The following FARS2 variants were observed in gnomAD, a reference collection of about 807,000 sequenced individuals.
FARS2 encodes the protein phenylalanyl-tRNA synthetase 2, mitochondrial.
Under a neutral mutation model 46.4 loss-of-function variants are expected in FARS2, and 40 were observed. That is an observed-to-expected ratio of 0.86 (90% CI 0.67 to 1.12). The LOEUF is 1.12. Among genes scored for constraint, FARS2 ranks in the 50% most tolerant of loss-of-function variants. The pLI is 0.00. For synonymous variants in FARS2, 234 were observed against 214.9 expected (o/e 1.09, Z -0.78); for missense variants, 513 against 567.9 (o/e 0.90, Z 0.98).
chr6:5,369,962 C>T (rs1758945667), intron 2 of FARS2, among the ~76,000 whole-genome samples: 1 of 151,756 alleles, frequency 6.6e-6, no homozygotes, highest in Admixed American at 6.6e-5. Flanking sequence ...GTCCCTCACT[C>T]ATGTTTTAAA....
chr6:5,679,409 G>T (rs918048110), intron 6 of FARS2, among the ~76,000 whole-genome samples: 1 of 152,040 alleles, frequency 6.6e-6, no homozygotes, highest in Non-Finnish European at 1.5e-5. Flanking sequence ...CTACTGCACT[G>T]GCCTGCCCTG....
intron 4 of FARS2, among the ~76,000 whole-genome samples, chr6:5,494,323 A>G (rs1221129050): frequency 6.6e-6 from 1 of 152,124 alleles, no homozygotes; most frequent in Non-Finnish European, 1.5e-5. Flanking sequence ...CCCATCCTTT[A>G]GTTCACAAAG....
intron 6 of FARS2, among the ~76,000 whole-genome samples, chr6:5,701,198 C>G (rs767976277): frequency 3.3e-5 from 5 of 152,230 alleles, no homozygotes; most frequent in Non-Finnish European, 5.9e-5. Flanking sequence ...TCCGCTAAGT[C>G]GTCGGGATTA....
chr6:5,754,516 T>G (rs752771974), intron 6 of FARS2, among the ~76,000 whole-genome samples: 8 of 152,250 alleles, frequency 5.3e-5, no homozygotes, highest in Admixed American at 4.6e-4. Flanking sequence ...TGAACCATCA[T>G]GTTAATGTTG....
At chr6:5,302,639 A>G (rs1415560776) in intron 1 of FARS2, among the ~76,000 whole-genome samples, 1 of 152,246 alleles carries the variant, frequency 6.6e-6, no homozygotes, top group East Asian at 1.9e-4. Context: ...GCAAAGTCAC[A>G]TGAACTAATG....
At chr6:5,498,309 T>G (rs1767590074) in intron 4 of FARS2, among the ~76,000 whole-genome samples, 1 of 152,268 alleles carries the variant, frequency 6.6e-6, no homozygotes, top group African/African-American at 2.4e-5. Context: ...CTCCTTATTT[T>G]TTCCTTTTAT....
chr6:5,593,065 T>C (rs1283306043), intron 5 of FARS2, among the ~76,000 whole-genome samples: 2 of 152,172 alleles, frequency 1.3e-5, no homozygotes, highest in Non-Finnish European at 2.9e-5. Flanking sequence ...CCTTATCTCC[T>C]TGTCACAGTA....
chr6:5,486,644 G>T (rs917513546), intron 4 of FARS2, among the ~76,000 whole-genome samples: 1 of 152,180 alleles, frequency 6.6e-6, no homozygotes, highest in African/African-American at 2.4e-5. Flanking sequence ...TGAACAACAG[G>T]ACTTTTAAAA....
chr6:5,462,367 G>A (rs1194731931), intron 4 of FARS2, among the ~76,000 whole-genome samples: 1 of 151,466 alleles, frequency 6.6e-6, no homozygotes, highest in South Asian at 2.1e-4. Flanking sequence ...TTTCTTAGTG[G>A]TATCTTTTGA....
At chr6:5,704,398 T>C (rs541953050) in intron 6 of FARS2, among the ~76,000 whole-genome samples, 1 of 152,280 alleles carries the variant, frequency 6.6e-6, no homozygotes, top group African/African-American at 2.4e-5. Context: ...TCTTGGGGGT[T>C]AGGATTTTAA....
intron 4 of FARS2, chr6:5,431,684 T>G (rs1763177831): frequency 1.9e-6 from 1 of 532,734 alleles, no homozygotes; most frequent in African/African-American, 1.9e-5. Flanking sequence ...GCCACCTGAC[T>G]GAGAGAAAAT....
rs371782392 is a variant in FARS2, at chr6:5,622,178, C to T, written c.1217+8858C>T. On this transcript the variant is annotated intron_variant, in intron 6 of 6. Coordinates refer to ENST00000274680, the MANE Select transcript of FARS2 (RefSeq NM_006567.5). ...CACTAGGGGCCACTTATAAAACAGCCCAGCCCTACTCGCCAGAGCAGGAAG... is the reference window on the plus strand; with the variant it reads ...CACTAGGGGCCACTTATAAAACAGCTCAGCCCTACTCGCCAGAGCAGGAAG... 1.0e-3 allele frequency among the ~76,000 whole-genome samples: 157 copies of T among 152,306 alleles called. 1 individual carries two copies. The South Asian group carries it at 0.017, about 16-fold the overall frequency.
chr6:5,592,936 C>T (rs780782192), intron 5 of FARS2, among the ~76,000 whole-genome samples: 2 of 152,204 alleles, frequency 1.3e-5, no homozygotes, highest in African/African-American at 4.8e-5. Context: ...GGCCACACAG[C>T]GCCTGGTCAC....
At position 5,311,724 on chromosome 6, in the gene FARS2, C is replaced by CT. The variant is rs900376550; in HGVS notation, c.-22+50072dup. Among the ~76,000 whole-genome samples, 2 of 151,722 alleles carry CT rather than the reference C, an allele frequency of 1.3e-5. No individual in the cohort carries two copies. The highest frequency in any genetic ancestry group is 2.9e-5 in the Non-Finnish European group (2 of 67,938). ...TTAGCTAAGACTAGGACCATGTGCT[C>CT]TTTTTTTTGGCATGGAGGGTAAGTG... is the stretch of plus-strand genomic sequence containing the variant. On this transcript the variant is annotated intron_variant, in intron 1 of 6. Transcript: ENST00000274680. This position sits in a 1 kb window ranked among gnomAD's most constrained non-coding sequence, Gnocchi z 4.1.
chr6:5,371,024 G>T, intron 2 of FARS2: 1 of 172,598 alleles, frequency 5.8e-6, no homozygotes, highest in South Asian at 1.9e-4. Context: ...CTTACCCAAA[G>T]TTGCTGAAGC....
intron 1 of FARS2, among the ~76,000 whole-genome samples, chr6:5,306,474 G>C (rs185711055): frequency 2.6e-5 from 4 of 152,138 alleles, no homozygotes; most frequent in African/African-American, 9.7e-5. Context: ...TGTGAACCTC[G>C]TAAGCTGTCA....
intron 6 of FARS2, among the ~76,000 whole-genome samples, chr6:5,636,879 A>G (rs751796592): frequency 3.3e-5 from 5 of 152,250 alleles, no homozygotes; most frequent in Non-Finnish European, 5.9e-5. Context: ...CTGAGCCACT[A>G]CGTTGACAGA....
chr6:5,349,945 G>C (rs1757468396), intron 1 of FARS2, among the ~76,000 whole-genome samples: 1 of 149,586 alleles, frequency 6.7e-6, no homozygotes, highest in South Asian at 2.1e-4. Context: ...AGCGTATCAT[G>C]GGTCCATTAC....
chr6:5,394,705 G>A (rs1422906083), intron 2 of FARS2, among the ~76,000 whole-genome samples: 2 of 151,924 alleles, frequency 1.3e-5, no homozygotes, highest in African/African-American at 4.8e-5. Flanking sequence ...ATGGAGTAGG[G>A]GCTGTTTGTT....
Sources: gnomAD v4.1 joint callset for allele counts (sites outside exome capture counted in the v4.1 genomes callset) on GRCh38, gnomAD v4.1.1 for gene constraint, Gnocchi (gnomAD v3.1) non-coding constraint, MANE v1.5 for transcripts, NCBI Gene and HGNC (gene_info 2026-07-23, HGNC 2026-07-21) for gene names.